Variants in TOX observed in about 807,000 individuals in gnomAD.
TOX encodes the protein thymocyte selection-associated high mobility group box protein TOX.
TOX carries 11 observed loss-of-function variants against 53.7 expected under a neutral mutation model. The ratio of observed to expected loss-of-function variants is 0.20; its 90% CI spans 0.13 to 0.34. The LOEUF is 0.34. Ranked by LOEUF, TOX falls within the 10% of genes least tolerant of loss-of-function variation. The probability of loss-of-function intolerance (pLI) is 1.00; values close to 1 mark genes in which losing one functional copy is unlikely to be tolerated. For missense variants in TOX, 570 were observed against 664.6 expected (o/e 0.86, Z 1.56); for synonymous variants, 225 against 245.3 (o/e 0.92, Z 0.77).
chr8:58,935,341 T>C (rs567757147), intron 3 of TOX, among the ~76,000 whole-genome samples: 96 of 152,282 alleles, frequency 6.3e-4, no homozygotes, highest in Non-Finnish European at 1.2e-3. Context: ...TAAAATGTCA[T>C]CATGTGAAAA....
intron 1 of TOX, among the ~76,000 whole-genome samples, chr8:59,092,301 ATT>A (rs1491378408): frequency 2.9e-5 from 3 of 104,950 alleles, no homozygotes; most frequent in African/African-American, 8.8e-5. Flanking sequence ...CATTATATAT[ATT>A]ATATATTATA....
intron 3 of TOX, among the ~76,000 whole-genome samples, chr8:58,939,009 T>C (rs1812390892): frequency 6.6e-6 from 1 of 152,244 alleles, no homozygotes; most frequent in African/African-American, 2.4e-5. Flanking sequence ...ACTTTTTCTC[T>C]GAAAGCTGGT....
At chr8:59,085,558 T>C (rs1425085886) in intron 1 of TOX, among the ~76,000 whole-genome samples, 1 of 152,130 alleles carries the variant, frequency 6.6e-6, no homozygotes, top group African/African-American at 2.4e-5. Context: ...TTGGCTAATT[T>C]ATTGATTTTT....
chr8:59,079,680 G>C lies in TOX; in HGVS notation c.102+39206C>G, dbSNP rs187955772. Among the ~76,000 whole-genome samples the C allele has an allele frequency of 5.8e-4, 88 of 152,364 alleles. 1 individual carries two copies. In the East Asian group the frequency reaches 0.016, roughly 28 times the overall value. On this transcript the variant is annotated intron_variant, in intron 1 of 8. Coordinates refer to ENST00000361421, the MANE Select transcript of TOX (RefSeq NM_014729.3). ...CTCAGGCAGGAACACTGCTGTAGGG[G>C]TGAAGCCCCAACAGACAATCTCTAC... is the stretch of plus-strand genomic sequence containing the variant.
intron 3 of TOX, among the ~76,000 whole-genome samples, chr8:58,881,482 C>G (rs762924224): frequency 6.6e-6 from 1 of 151,898 alleles, no homozygotes; most frequent in African/African-American, 2.4e-5. Context: ...CCCAGCACTT[C>G]GTGAGGCTGA....
At chr8:58,936,554 A>C (rs760285664) in intron 3 of TOX, among the ~76,000 whole-genome samples, 1 of 152,240 alleles carries the variant, frequency 6.6e-6, no homozygotes, top group Non-Finnish European at 1.5e-5. Context: ...GAGGAATGGC[A>C]TTCTAGTCGT....
chr8:58,992,332 G>T (rs1412457494), intron 1 of TOX, among the ~76,000 whole-genome samples: 1 of 152,140 alleles, frequency 6.6e-6, no homozygotes, highest in African/African-American at 2.4e-5. Flanking sequence ...GCTGCACGTA[G>T]AAATGCATCA....
At chr8:58,957,512 T>G (rs534020688) in intron 2 of TOX, among the ~76,000 whole-genome samples, 15 of 152,342 alleles carry the variant, frequency 9.8e-5, no homozygotes, top group Non-Finnish European at 2.2e-4. Context: ...CCTTTGGGAC[T>G]GTCTAAAAGA....
At chr8:59,009,863 C>T (rs1223892463) in intron 1 of TOX, among the ~76,000 whole-genome samples, 1 of 152,078 alleles carries the variant, frequency 6.6e-6, no homozygotes, top group African/African-American at 2.4e-5. Flanking sequence ...CAGCATTGCA[C>T]CAGCAAAGGG....
At chr8:58,928,229 C>T (rs1462512869) in intron 3 of TOX, among the ~76,000 whole-genome samples, 1 of 152,226 alleles carries the variant, frequency 6.6e-6, no homozygotes, top group South Asian at 2.1e-4. Context: ...TCAGAGAAGG[C>T]AGAGCGCCCG....
intron 4 of TOX, among the ~76,000 whole-genome samples, chr8:58,841,272 T>C (rs575766884): frequency 6.6e-6 from 1 of 152,348 alleles, no homozygotes; most frequent in African/African-American, 2.4e-5. Flanking sequence ...CAATAATGTA[T>C]GTGGTTGTTA....
chr8:58,964,035 G>A (rs531465481), intron 1 of TOX, among the ~76,000 whole-genome samples: 1 of 151,954 alleles, frequency 6.6e-6, no homozygotes, highest in South Asian at 2.1e-4. Flanking sequence ...GTCTTACAGT[G>A]GATTAAGACT....
At position 58,939,313 on chromosome 8, in the gene TOX, A is replaced by G; in HGVS notation, c.400T>C (p.Ser134Pro). 1 of 1,614,020 alleles carries G rather than the reference A, an allele frequency of 6.2e-7. No individual in the cohort carries two copies. The highest frequency in any genetic ancestry group is 1.1e-5 in the South Asian group (1 of 91,074). ...AAGCAGATTCTTACCACAGAAATGGAATTAGAAAGCAGTGTTCCATCCTGG... is the reference window on the plus strand; with the variant it reads ...AAGCAGATTCTTACCACAGAAATGGGATTAGAAAGCAGTGTTCCATCCTGG... ...LGQDGTLLSNSISVMPDIRNP... is the reference protein window; with the variant it reads ...LGQDGTLLSNPISVMPDIRNP... The change falls in exon 3 of 9, where the codon TCC becomes CCC. Residue 134 changes from serine to proline, a missense_variant. Coordinates refer to ENST00000361421, the MANE Select transcript of TOX (RefSeq NM_014729.3).
intron 1 of TOX, among the ~76,000 whole-genome samples, chr8:59,082,191 T>C (rs1804421776): frequency 1.3e-5 from 2 of 152,226 alleles, no homozygotes; most frequent in African/African-American, 4.8e-5. Flanking sequence ...TAGTTTTAAT[T>C]TGGAAAAGGC....
At chr8:58,948,620 C>T (rs1481009408) in intron 2 of TOX, among the ~76,000 whole-genome samples, 1 of 152,130 alleles carries the variant, frequency 6.6e-6, no homozygotes, top group African/African-American at 2.4e-5. Context: ...TTTTTTAGTG[C>T]TAGATCATCT....
At chr8:59,037,789 G>A (rs988830984) in intron 1 of TOX, among the ~76,000 whole-genome samples, 15 of 132,824 alleles carry the variant, frequency 1.1e-4, no homozygotes, top group African/African-American at 2.8e-4. Flanking sequence ...GCAACAGAGC[G>A]AGACTCCATC....
intron 2 of TOX, among the ~76,000 whole-genome samples, chr8:58,954,709 T>G (rs974736617): frequency 2.0e-5 from 3 of 152,156 alleles, no homozygotes; most frequent in South Asian, 4.1e-4. Context: ...AAAGAGGAGA[T>G]GTACTCAAGA....
rs565577506 is a variant in TOX at position 58,906,951 on chromosome 8, TC to T, written c.411+32350del. On this transcript the variant is annotated intron_variant, in intron 3 of 8. Coordinates refer to ENST00000361421, the MANE Select transcript of TOX (RefSeq NM_014729.3). ...ACACTGTTTCTGATTGTCTTGGATG[TC>T]ATAAAATTCCTTCAGCCTGTAGCAC... Among the ~76,000 whole-genome samples, 9 of 152,362 alleles carry T rather than the reference TC, an allele frequency of 5.9e-5. No individual in the cohort carries two copies. In the East Asian group the frequency reaches 1.7e-3, roughly 29 times the overall value.
chr8:58,907,578 G>A (rs1811838468), intron 3 of TOX, among the ~76,000 whole-genome samples: 4 of 152,048 alleles, frequency 2.6e-5, no homozygotes, highest in African/African-American at 9.7e-5. Flanking sequence ...CTGTGCGACA[G>A]AGGAAGAGCC....
Sources: gnomAD v4.1 joint callset for allele counts (sites outside exome capture counted in the v4.1 genomes callset) on GRCh38, gnomAD v4.1.1 for gene constraint, MANE v1.5 for transcripts, NCBI Gene and HGNC (gene_info 2026-07-23, HGNC 2026-07-21) for gene names.